Variants in CFAP46 observed in about 807,000 individuals in gnomAD.
CFAP46 encodes cilia- and flagella-associated protein 46.
In CFAP46, 245 loss-of-function variants were observed where a neutral mutation model predicts 325.7. That is an observed-to-expected ratio of 0.75 (90% CI 0.68 to 0.84). CFAP46 has a LOEUF of 0.84. CFAP46 is among the 40% of genes least tolerant of loss of function. CFAP46 has a pLI of 0.00. For missense variants in CFAP46, 3,346 were observed against 3,543.0 expected (o/e 0.94, Z 1.41); for synonymous variants, 1,523 against 1,495.9 (o/e 1.02, Z -0.42).
chr10:132,817,070 G>A lies in CFAP46; in HGVS notation c.7118-2156C>T, dbSNP rs1055910848. On this transcript the variant is annotated intron_variant, in intron 50 of 57. Coordinates refer to ENST00000368586, the MANE Select transcript of CFAP46 (RefSeq NM_001200049.3). This position sits in a 1 kb window ranked among gnomAD's most constrained non-coding sequence, Gnocchi z 4.4. ...CTGAATCTCTCTCTTTTTGCTCTTT[G>A]TCTGGACCGTCAGTAATCCAGGCGT... Among the ~76,000 whole-genome samples the A allele has an allele frequency of 2.6e-4, 40 of 152,100 alleles. No homozygotes were observed. The highest frequency in any genetic ancestry group is 1.8e-4 in the Non-Finnish European group (12 of 68,032).
At chr10:132,824,462 GA>G (rs1374561168) in intron 50 of CFAP46, among the ~76,000 whole-genome samples, 24 of 121,764 alleles carry the variant, frequency 2.0e-4, no homozygotes, top group African/African-American at 7.2e-4. Context: ...GCTGTGTGCT[GA>G]TGTGTGCTGT....
In CFAP46 at chr10:132,941,723, C is replaced by T. The variant is rs1235660675; in HGVS notation, c.175-1G>A. Reference sequence around the variant, plus strand: ...CCTCGCTCACCTCTGGCTGCCTCATCTGCAAGAGAACACCACCACAGAAGA... The same window carrying T: ...CCTCGCTCACCTCTGGCTGCCTCATTTGCAAGAGAACACCACCACAGAAGA... On this transcript the variant is annotated splice_acceptor_variant, in intron 2 of 57. Coordinates refer to ENST00000368586, the MANE Select transcript of CFAP46 (RefSeq NM_001200049.3). LOFTEE classifies it high-confidence loss of function. The T allele has an allele frequency of 1.2e-6, 2 of 1,613,946 alleles. No individual in the cohort carries two copies. The highest frequency in any genetic ancestry group is 1.1e-5 in the South Asian group (1 of 91,070).
At chr10:132,917,270 C>T (rs1255080519) in intron 16 of CFAP46, among the ~76,000 whole-genome samples, 1 of 152,280 alleles carries the variant, frequency 6.6e-6, no homozygotes, top group Non-Finnish European at 1.5e-5. Context: ...TGGCCACGCA[C>T]CCACTGAGAA....
At chr10:132,892,505 T>G in intron 24 of CFAP46, 88 bp from the exon 25 acceptor site, 2 of 1,228,994 alleles carry the variant, frequency 1.6e-6, no homozygotes, top group Non-Finnish European at 2.3e-6. Flanking sequence ...CTCTGAGCTC[T>G]GTGTTCCTCT....
rs1191664679 is a variant in CFAP46, at chr10:132,899,762, G to A, written c.2925-96C>T. 1.9e-5 allele frequency: 25 copies of A among 1,292,318 alleles called. No individual in the cohort carries two copies. In the Admixed American group the frequency reaches 5.4e-4, roughly 28 times the overall value. The allele number at this position is 1,292,318 out of a possible 1,614,324, so 80.1% of individuals were successfully genotyped here. A position where few individuals can be genotyped will look rare whatever the true frequency, so the allele number is the denominator to read the frequency against. ...GTCTTGAACTGTGGACTACACAGGT[G>A]GTATTCTAAGATGGGGCACCTCCTG... On this transcript the variant is annotated intron_variant, in intron 22 of 57. Transcript: ENST00000368586.
intron 47 of CFAP46, 35 bp downstream of exon 47, chr10:132,835,269 C>G: frequency 6.2e-7 from 1 of 1,607,560 alleles, no homozygotes; most frequent in South Asian, 1.1e-5. Context: ...AGCAGAGGGT[C>G]CCGGCTGGGT....
At chr10:132,822,223 GTGTGCGGTGA>G (rs1847867594) in intron 50 of CFAP46, among the ~76,000 whole-genome samples, 1 of 139,162 alleles carries the variant, frequency 7.2e-6, no homozygotes, top group African/African-American at 2.7e-5. Flanking sequence ...GATGTGTGCT[GTGTGCGGTGA>G]TGTGTGCTGT....
Position 132,808,471 on chromosome 10 carries a change from T to C in CFAP46, c.8098A>G (p.Ser2700Gly). ...GGLPLAALVL[S>G]CLDQKTIQTV... ...TGAATAGTCTTCTGGTCTAAGCAAC[T>C]CAGCACCAGCGCCGCCAAGGGGAGG... The change falls in exon 58 of 58, where the codon AGT (serine) becomes GGT (glycine). Residue 2700 changes from serine (S) to glycine (G), a missense_variant. Coordinates refer to ENST00000368586, the MANE Select transcript of CFAP46 (RefSeq NM_001200049.3). This position sits in a 1 kb window ranked among gnomAD's most constrained non-coding sequence, Gnocchi z 6.8. 1 of 1,613,114 alleles carries C rather than the reference T, an allele frequency of 6.2e-7. No individual in the cohort carries two copies. Among genetic ancestry groups the C allele is most frequent in the Non-Finnish European group, 8.5e-7 (1 of 1,179,962 alleles).
intron 26 of CFAP46, 24 bp downstream of exon 26, chr10:132,885,797 A>T (rs45547444): frequency 0.34 from 506,108 of 1,508,348 alleles, 87,814 homozygotes; most frequent in Admixed American, 0.53. Context: ...GGGAGCACTC[A>T]CAGGCGGTGG....
At chr10:132,883,818 C>T (rs567394827) in intron 27 of CFAP46, among the ~76,000 whole-genome samples, 16 of 152,324 alleles carry the variant, frequency 1.1e-4, no homozygotes, top group African/African-American at 3.8e-4. Context: ...TGAAGGACCA[C>T]GTAATGCTTG....
intron 44 of CFAP46, among the ~76,000 whole-genome samples, chr10:132,843,751 G>A (rs1591047679): frequency 3.1e-5 from 4 of 130,678 alleles, no homozygotes; most frequent in African/African-American, 1.2e-4. Flanking sequence ...CCAGGGTGCT[G>A]TGGGGCTCTG....
chr10:132,815,186 A>G (rs1269084098), intron 50 of CFAP46, among the ~76,000 whole-genome samples: 1 of 152,164 alleles, frequency 6.6e-6, no homozygotes, highest in Non-Finnish European at 1.5e-5. Context: ...CCCACTGGGT[A>G]CTCACCAGTG....
At chr10:132,853,120 C>T (rs759170988) in intron 39 of CFAP46, among the ~76,000 whole-genome samples, 2 of 152,220 alleles carry the variant, frequency 1.3e-5, no homozygotes, top group African/African-American at 2.4e-5. Flanking sequence ...GGCACATCCT[C>T]GTCTTCGTCC....
In CFAP46 at chr10:132,922,820, G is replaced by C. The variant is rs1050231973; in HGVS notation, c.1257-112C>G. The C allele has an allele frequency of 1.1e-5, 9 of 797,738 alleles. No individual in the cohort carries two copies. In the African/African-American group the frequency reaches 1.4e-4, roughly 12 times the overall value. The allele number at this position is 797,738 out of a possible 1,614,324, so 49.4% of individuals were successfully genotyped here. A position where few individuals can be genotyped will look rare whatever the true frequency, so the allele number is the denominator to read the frequency against. Reference sequence around the variant, plus strand: ...TGGCCCCAGAGTGTAGGGCAGGCTTGGTGCCCGGTGCCCCTGGCTTTCTGC... The same window carrying C: ...TGGCCCCAGAGTGTAGGGCAGGCTTCGTGCCCGGTGCCCCTGGCTTTCTGC... On this transcript the variant is annotated intron_variant, in intron 11 of 57. Coordinates refer to ENST00000368586, the MANE Select transcript of CFAP46 (RefSeq NM_001200049.3).
chr10:132,851,648 G>T (rs909797836), intron 39 of CFAP46, among the ~76,000 whole-genome samples: 1 of 152,188 alleles, frequency 6.6e-6, no homozygotes, highest in African/African-American at 2.4e-5. Flanking sequence ...CATTTTCCTC[G>T]GTAAAGTCAC....
chr10:132,814,999 T>G (rs1847665999), intron 50 of CFAP46, 85 bp from the exon 51 acceptor site: 1 of 1,197,158 alleles, frequency 8.4e-7, no homozygotes, highest in African/African-American at 1.5e-5. Context: ...TTTCATGTTA[T>G]GCAAATTTCA....
intron 50 of CFAP46, among the ~76,000 whole-genome samples, chr10:132,826,337 G>C (rs1461069223): frequency 7.1e-6 from 1 of 139,956 alleles, no homozygotes; most frequent in African/African-American, 2.8e-5. Flanking sequence ...GAGCCAGGCA[G>C]GAACTGGAGC....
At chr10:132,829,348 A>C (rs1250836390) in intron 50 of CFAP46, among the ~76,000 whole-genome samples, 1 of 152,228 alleles carries the variant, frequency 6.6e-6, no homozygotes, top group Non-Finnish European at 1.5e-5. Flanking sequence ...TTAAGTTTTA[A>C]TTTCTGATAG....
intron 4 of CFAP46, among the ~76,000 whole-genome samples, chr10:132,940,010 G>A (rs1179841063): frequency 3.3e-5 from 5 of 152,188 alleles, no homozygotes; most frequent in Non-Finnish European, 7.3e-5. Flanking sequence ...GGGCCCTGGA[G>A]CAGAGCAGCC....
Sources: gnomAD v4.1 joint callset for allele counts (sites outside exome capture counted in the v4.1 genomes callset) on GRCh38, gnomAD v4.1.1 for gene constraint, Gnocchi (gnomAD v3.1) non-coding constraint, MANE v1.5 for transcripts, NCBI Gene and HGNC (gene_info 2026-07-23, HGNC 2026-07-21) for gene names.